ASRGL1: variants seen among roughly 807,000 people sequenced by gnomAD.
ASRGL1 encodes the protein asparaginase and isoaspartyl peptidase 1, also known as isoaspartyl peptidase/L-asparaginase.
A neutral mutation model predicts 22.4 loss-of-function variants in ASRGL1; 16 were observed. The observed-to-expected ratio is 0.71, with a 90% CI of 0.48 to 1.08. ASRGL1 has a LOEUF of 1.08. Ranked by LOEUF, ASRGL1 falls within the 50% of genes least tolerant of loss-of-function variation. The probability of loss-of-function intolerance (pLI) is 0.00; values close to 1 mark genes in which losing one functional copy is unlikely to be tolerated. For missense variants in ASRGL1, 412 were observed against 410.1 expected (o/e 1.00, Z -0.04); for synonymous variants, 165 against 159.3 (o/e 1.04, Z -0.27).
At chr11:62,360,131 T>C (rs537352895) in intron 4 of ASRGL1, among the ~76,000 whole-genome samples, 51 of 151,582 alleles carry the variant, frequency 3.4e-4, no homozygotes, top group African/African-American at 1.2e-3. Flanking sequence ...TCCCAGGTTC[T>C]AGCAGTTCTC....
Position 62,349,363 on chromosome 11 carries a change from TGCCCAATA to T in ASRGL1, c.191-6956_191-6949del, listed in dbSNP as rs1213122526. Among the ~76,000 whole-genome samples, 10 of 152,336 alleles carry T rather than the reference TGCCCAATA, an allele frequency of 6.6e-5. No homozygotes were observed. The South Asian group carries it at 2.1e-3, about 32-fold the overall frequency. Reference sequence around the variant, plus strand: ...CCTAAATGTCTCTCAAAGTTAGCTCTGCCCAATAGCCCAGGAATAATTAAGGGAAAGGC... The same window carrying T: ...CCTAAATGTCTCTCAAAGTTAGCTCTGCCCAGGAATAATTAAGGGAAAGGC... On this transcript the variant is annotated intron_variant, in intron 2 of 6. Transcript: ENST00000415229.
At chr11:62,373,010 G>A in intron 4 of ASRGL1, 1 of 1,388,844 alleles carries the variant, frequency 7.2e-7, no homozygotes, top group Non-Finnish European at 1.0e-6. Flanking sequence ...GGGATCACAA[G>A]CCCAAGTCTT....
At chr11:62,390,980 A>C (rs1947322875) in intron 5 of ASRGL1, among the ~76,000 whole-genome samples, 2 of 152,246 alleles carry the variant, frequency 1.3e-5, no homozygotes, top group South Asian at 4.1e-4. Flanking sequence ...TTATCAAAGT[A>C]GCTTTCACTC....
At chr11:62,381,893 T>C (rs1416372857) in intron 4 of ASRGL1, 2 of 152,870 alleles carry the variant, frequency 1.3e-5, no homozygotes, top group African/African-American at 2.4e-5. Context: ...CTAGCTCACC[T>C]TCACCCTAGA....
chr11:62,365,318 C>A (rs1234894168), intron 4 of ASRGL1, among the ~76,000 whole-genome samples: 1 of 151,926 alleles, frequency 6.6e-6, no homozygotes, highest in Non-Finnish European at 1.5e-5. Context: ...CTTTGGGAGG[C>A]CAAGGTGGGC....
intron 4 of ASRGL1, chr11:62,371,268 C>T (rs898551006): frequency 2.0e-5 from 27 of 1,351,054 alleles, no homozygotes; most frequent in Middle Eastern, 2.6e-4. Flanking sequence ...GCAGTAGCAG[C>T]AGTGGTGGCA....
downstream of ASRGL1, among the ~76,000 whole-genome samples, chr11:62,394,098 AAT>A (rs1247434431): frequency 7.0e-6 from 1 of 142,572 alleles, no homozygotes; most frequent in African/African-American, 2.6e-5. Context: ...TACAATATAT[AAT>A]ATATATTATA....
intron 4 of ASRGL1, among the ~76,000 whole-genome samples, chr11:62,376,859 A>G (rs1168656965): frequency 1.3e-5 from 2 of 152,210 alleles, no homozygotes; most frequent in Admixed American, 6.5e-5. Context: ...CAAGACAATA[A>G]ATGTTTTTTA....
At chr11:62,396,561 G>A (rs191226747), downstream of ASRGL1, among the ~76,000 whole-genome samples, 520 of 152,228 alleles carry the variant, frequency 3.4e-3, 1 homozygote, top group African/African-American at 0.012. Flanking sequence ...CAAATCCTCC[G>A]GCTCTCACCC....
At position 62,375,482 on chromosome 11, in the gene ASRGL1, T is replaced by TATATATA. The variant is rs1565169632; in HGVS notation, c.492-13651_492-13650insATATATA. Reference sequence around the variant, plus strand: ...TATATATATATATATATATATATATTTCTTGGAGTAAACATTTTAAATAAA... The same window carrying TATATATA: ...TATATATATATATATATATATATATTATATATATCTTGGAGTAAACATTTTAAATAAA... On this transcript the variant is annotated intron_variant, in intron 4 of 6. Coordinates refer to ENST00000415229, the MANE Select transcript of ASRGL1 (RefSeq NM_001083926.2). 1.6e-3 allele frequency among the ~76,000 whole-genome samples: 110 copies of TATATATA among 70,912 alleles called. 15 individuals carry two copies. Among genetic ancestry groups the TATATATA allele is most frequent in the South Asian group, 3.8e-3 (7 of 1,860 alleles). The allele number at this position is 70,912 out of a possible 152,430, so 46.5% of individuals were successfully genotyped here.
chr11:62,395,828 G>A (rs1390106617), downstream of ASRGL1, among the ~76,000 whole-genome samples: 1 of 133,180 alleles, frequency 7.5e-6, no homozygotes, highest in African/African-American at 2.8e-5. Flanking sequence ...CTGGAGTGCA[G>A]TGGCACGATC....
In ASRGL1 at chr11:62,372,238, C is replaced by T. The variant is rs1438556108; in HGVS notation, c.491+15094C>T. On this transcript the variant is annotated intron_variant, in intron 4 of 6. Coordinates refer to ENST00000415229, the MANE Select transcript of ASRGL1 (RefSeq NM_001083926.2). ...ACGAAGTGATTGTGTGCAGCGTGTGCGCGGAACCACACCTTGGCCTTGACG... is the reference window on the plus strand; with the variant it reads ...ACGAAGTGATTGTGTGCAGCGTGTGTGCGGAACCACACCTTGGCCTTGACG... The T allele has an allele frequency of 4.2e-6, 6 of 1,417,402 alleles. No homozygotes were observed. The South Asian group carries it at 4.6e-5, about 11-fold the overall frequency. The allele number at this position is 1,417,402 out of a possible 1,614,324, so 87.8% of individuals were successfully genotyped here.
At chr11:62,338,251 G>C in intron 2 of ASRGL1, 84 bp downstream of exon 2, 1 of 1,312,450 alleles carries the variant, frequency 7.6e-7, no homozygotes, top group South Asian at 1.6e-5. Flanking sequence ...TAGTGTTAGG[G>C]AATCTAATGA....
rs141968496 is a variant in ASRGL1, at chr11:62,384,035, CGTGT to C, written c.492-5083_492-5080del. Among the ~76,000 whole-genome samples, 223 of 150,280 alleles carry C rather than the reference CGTGT, an allele frequency of 1.5e-3. 1 individual carries two copies. The Middle Eastern group carries it at 0.038, about 25-fold the overall frequency. On this transcript the variant is annotated intron_variant, in intron 4 of 6. Coordinates refer to ENST00000415229, the MANE Select transcript of ASRGL1 (RefSeq NM_001083926.2). ...GCATGTGTGTGTGTGCACGTGTGTG[CGTGT>C]GTGTGTGTGTGTGTTTGCCATTCAT...
In ASRGL1 at chr11:62,345,329, C is replaced by T. The variant is rs190301431; in HGVS notation, c.190+7162C>T. On this transcript the variant is annotated intron_variant, in intron 2 of 6. Transcript: ENST00000415229. ...TGCTTTTTTTCCTGGAGTGCAGTGG[C>T]GTGATCTTGGCTCACTGCAACCTCC... Among the ~76,000 whole-genome samples the T allele has an allele frequency of 2.0e-5, 3 of 152,176 alleles. No individual in the cohort carries two copies. The East Asian group carries it at 5.8e-4, about 29-fold the overall frequency.
intron 4 of ASRGL1, among the ~76,000 whole-genome samples, chr11:62,380,582 C>A (rs1947041110): frequency 6.6e-6 from 1 of 152,148 alleles, no homozygotes; most frequent in Non-Finnish European, 1.5e-5. Flanking sequence ...CAGACCTGTT[C>A]TTGTGCCCCA....
intron 4 of ASRGL1, among the ~76,000 whole-genome samples, chr11:62,362,542 A>T (rs1258450256): frequency 0.022 from 1,063 of 47,306 alleles, 20 homozygotes; most frequent in Non-Finnish European, 0.029. Context: ...ATATTATATA[A>T]AATATATAAC....
chr11:62,339,843 T>C (rs953045019), intron 2 of ASRGL1, among the ~76,000 whole-genome samples: 4 of 152,236 alleles, frequency 2.6e-5, no homozygotes, highest in Non-Finnish European at 4.4e-5. Flanking sequence ...ATTGAAATAC[T>C]TCCTGGAATT....
At chr11:62,338,751 C>A (rs1365859057) in intron 2 of ASRGL1, among the ~76,000 whole-genome samples, 1 of 149,774 alleles carries the variant, frequency 6.7e-6, no homozygotes, top group Admixed American at 6.7e-5. Flanking sequence ...GCCTGGCTAA[C>A]AGGTGAAAAG....
Sources: gnomAD v4.1 joint callset for allele counts (sites outside exome capture counted in the v4.1 genomes callset) on GRCh38, gnomAD v4.1.1 for gene constraint, MANE v1.5 for transcripts, NCBI Gene and HGNC (gene_info 2026-07-23, HGNC 2026-07-21) for gene names.